Variants in IGFBP7 observed in about 807,000 individuals in gnomAD.
The protein encoded by IGFBP7 is insulin like growth factor binding protein 7, also known as insulin-like growth factor-binding protein 7.
IGFBP7 carries 31 observed loss-of-function variants against 29.4 expected under a neutral mutation model. The ratio of observed to expected loss-of-function variants is 1.05; its 90% confidence interval spans 0.79 to 1.42. The LOEUF (loss-of-function observed/expected upper bound fraction) is 1.42. IGFBP7 is among the 40% of genes most tolerant of loss of function. The pLI, the probability that IGFBP7 is intolerant of heterozygous loss-of-function variation, is 0.00. For synonymous variants in IGFBP7, 172 were observed against 174.9 expected (o/e 0.98, Z 0.13); for missense variants, 393 against 395.5 (o/e 0.99, Z 0.05).
chr4:57,040,359 A>G (rs938651061), intron 2 of IGFBP7, among the ~76,000 whole-genome samples: 1 of 152,212 alleles, frequency 6.6e-6, no homozygotes, highest in Non-Finnish European at 1.5e-5. Context: ...ATTATCAGCT[A>G]AATGTTCAGT....
At chr4:57,071,136 G>A (rs563718503) in intron 1 of IGFBP7, among the ~76,000 whole-genome samples, 2 of 152,310 alleles carry the variant, frequency 1.3e-5, no homozygotes, top group Non-Finnish European at 1.5e-5. Context: ...ATGAGCATAT[G>A]TTGGTCAAAA....
At chr4:57,109,722 G>C in intron 1 of IGFBP7, 155 bp downstream of exon 1, 2 of 901,160 alleles carry the variant, frequency 2.2e-6, no homozygotes, top group Non-Finnish European at 3.1e-6. Context: ...GGCATTCCGC[G>C]GCTGCCAACT....
chr4:57,038,295 C>T (rs1724132457), intron 2 of IGFBP7, among the ~76,000 whole-genome samples: 1 of 152,148 alleles, frequency 6.6e-6, no homozygotes, highest in African/African-American at 2.4e-5. Flanking sequence ...GGTCTTTAAG[C>T]TGTAATAAAA....
chr4:57,101,882 A>G (rs1725905848), intron 1 of IGFBP7, among the ~76,000 whole-genome samples: 1 of 152,268 alleles, frequency 6.6e-6, no homozygotes, highest in East Asian at 1.9e-4. Flanking sequence ...AATCTTTGAA[A>G]TTACCTTAAA....
intron 1 of IGFBP7, among the ~76,000 whole-genome samples, chr4:57,079,806 C>G (rs1166036990): frequency 6.6e-6 from 1 of 152,184 alleles, no homozygotes; most frequent in Non-Finnish European, 1.5e-5. Flanking sequence ...ATAAAAGTTA[C>G]TACTGTCCTT....
At chr4:57,087,431 A>T (rs2109791718) in intron 1 of IGFBP7, among the ~76,000 whole-genome samples, 1 of 152,352 alleles carries the variant, frequency 6.6e-6, no homozygotes, top group East Asian at 1.9e-4. Flanking sequence ...GCCAATTTTA[A>T]AATACTTTAT....
chr4:57,052,078 C>T (rs1000758599), intron 1 of IGFBP7, among the ~76,000 whole-genome samples: 8 of 152,130 alleles, frequency 5.3e-5, no homozygotes, highest in African/African-American at 1.9e-4. Flanking sequence ...TGTCATGATT[C>T]AAGTGGCATT....
chr4:57,066,231 T>G (rs1467499838), intron 1 of IGFBP7, among the ~76,000 whole-genome samples: 1 of 152,182 alleles, frequency 6.6e-6, no homozygotes, highest in Non-Finnish European at 1.5e-5. Context: ...GCTTCTTTCT[T>G]GCTTTTTGTG....
At chr4:57,039,287 A>G (rs1718885) in intron 2 of IGFBP7, among the ~76,000 whole-genome samples, 142,347 of 152,218 alleles carry the variant, frequency 0.94, 66,566 homozygotes, top group East Asian at 0.97. Context: ...TGTATCAAGT[A>G]ATTTTTACTT....
At chr4:57,083,383 T>C (rs1434821059) in intron 1 of IGFBP7, among the ~76,000 whole-genome samples, 1 of 152,220 alleles carries the variant, frequency 6.6e-6, no homozygotes, top group African/African-American at 2.4e-5. Flanking sequence ...TTGTTCTAAT[T>C]GCATTTCAGG....
chr4:57,108,994 AC>A (rs1726103875), intron 1 of IGFBP7, among the ~76,000 whole-genome samples: 1 of 152,246 alleles, frequency 6.6e-6, no homozygotes, highest in Non-Finnish European at 1.5e-5. Context: ...GGAAGGAAAA[AC>A]AAAATGGTCA....
intron 1 of IGFBP7, among the ~76,000 whole-genome samples, chr4:57,093,057 A>G (rs1357063865): frequency 2.0e-5 from 3 of 152,188 alleles, no homozygotes; most frequent in Non-Finnish European, 2.9e-5. Context: ...ACTGTCTTTG[A>G]TTTCAATGAA....
intron 1 of IGFBP7, among the ~76,000 whole-genome samples, chr4:57,066,393 C>A (rs759737755): frequency 6.6e-6 from 1 of 152,196 alleles, no homozygotes; most frequent in African/African-American, 2.4e-5. Flanking sequence ...TGCTGACATA[C>A]TGACTGCAGC....
At chr4:57,053,256 A>G (rs1382543035) in intron 1 of IGFBP7, among the ~76,000 whole-genome samples, 4 of 152,074 alleles carry the variant, frequency 2.6e-5, no homozygotes, top group Non-Finnish European at 5.9e-5. Flanking sequence ...ACCTCAGGTG[A>G]TCTGCCCGCT....
intron 1 of IGFBP7, among the ~76,000 whole-genome samples, chr4:57,078,015 G>A (rs1374876137): frequency 1.3e-5 from 2 of 152,070 alleles, no homozygotes; most frequent in African/African-American, 2.4e-5. Flanking sequence ...TTGGTTAAGG[G>A]GGAGCTGGAC....
At chr4:57,065,877 G>A (rs922584323) in intron 1 of IGFBP7, among the ~76,000 whole-genome samples, 3 of 152,038 alleles carry the variant, frequency 2.0e-5, no homozygotes, top group Admixed American at 6.6e-5. Context: ...CTCCATTCCC[G>A]TTATCTCTCT....
At chr4:57,047,831 C>T (rs1258490437) in intron 1 of IGFBP7, among the ~76,000 whole-genome samples, 9 of 152,038 alleles carry the variant, frequency 5.9e-5, no homozygotes, top group Non-Finnish European at 1.3e-4. Flanking sequence ...ATCTCCTGGG[C>T]CCAAACAATC....
At chr4:57,078,833 G>A (rs776345350) in intron 1 of IGFBP7, among the ~76,000 whole-genome samples, 1 of 126,326 alleles carries the variant, frequency 7.9e-6, no homozygotes, top group Non-Finnish European at 1.9e-5. Flanking sequence ...GTAACTAGGA[G>A]ATTTCTTGAA....
intron 1 of IGFBP7, among the ~76,000 whole-genome samples, chr4:57,078,184 A>G (rs1317664974): frequency 1.3e-5 from 2 of 152,104 alleles, no homozygotes; most frequent in African/African-American, 4.8e-5. Context: ...CTGACTGCTC[A>G]CTATGGGCAT....
Sources: allele counts gnomAD v4.1 joint callset (sites outside exome capture counted in the v4.1 genomes callset), GRCh38; gene constraint gnomAD v4.1.1; transcripts MANE v1.5; gene names NCBI Gene and HGNC (gene_info 2026-07-23, HGNC 2026-07-21).